The following MCF2L2 variants were observed in gnomAD, a reference collection of about 807,000 sequenced individuals.
MCF2L2 encodes MCF.2 cell line derived transforming sequence-like 2.
In MCF2L2, 102 loss-of-function variants were observed where a neutral mutation model predicts 150.2. The observed-to-expected ratio is 0.68, with a 90% CI of 0.58 to 0.80. MCF2L2 has a LOEUF of 0.80. MCF2L2 is among the 30% of genes least tolerant of loss of function. The pLI, the probability that MCF2L2 is intolerant of heterozygous loss-of-function variation, is 0.00. For missense variants in MCF2L2, 1,256 were observed against 1,372.8 expected (o/e 0.91, Z 1.34); for synonymous variants, 465 against 491.3 (o/e 0.95, Z 0.71).
At chr3:183,302,034 C>A (rs1298759833) in intron 10 of MCF2L2, among the ~76,000 whole-genome samples, 1 of 152,122 alleles carries the variant, frequency 6.6e-6, no homozygotes, top group African/African-American at 2.4e-5. Flanking sequence ...ACAGAAGCTG[C>A]TGACATGACC....
chr3:183,361,110 G>GAAAAGAAAAT (rs1712166986), intron 3 of MCF2L2, among the ~76,000 whole-genome samples: 1 of 143,480 alleles, frequency 7.0e-6, no homozygotes, highest in African/African-American at 2.7e-5. Context: ...GACAAGAAAA[G>GAAAAGAAAAT]AAAAAAGAAA....
At chr3:183,343,151 A>G (rs571851540) in intron 3 of MCF2L2, among the ~76,000 whole-genome samples, 1 of 152,338 alleles carries the variant, frequency 6.6e-6, no homozygotes, top group East Asian at 1.9e-4. Flanking sequence ...TACCAAAAAC[A>G]AACAAAACAC....
rs1366968152 is a variant in MCF2L2, at chr3:183,321,703, T to C, written c.603+1532A>G. Among the ~76,000 whole-genome samples the C allele has an allele frequency of 2.6e-5, 4 of 152,340 alleles. No homozygotes were observed. In the South Asian group the frequency reaches 8.3e-4, roughly 32 times the overall value. Reference sequence around the variant, plus strand: ...TGTGTGTGTATAAAAAATATATACATGTAAAAGGCATGTAAAGAATATCTC... The same window carrying C: ...TGTGTGTGTATAAAAAATATATACACGTAAAAGGCATGTAAAGAATATCTC... On this transcript the variant is annotated intron_variant, in intron 6 of 29. Coordinates refer to ENST00000328913, the MANE Select transcript of MCF2L2 (RefSeq NM_015078.4).
At chr3:183,417,919 T>C (rs758372817) in intron 1 of MCF2L2, among the ~76,000 whole-genome samples, 7 of 152,084 alleles carry the variant, frequency 4.6e-5, no homozygotes, top group Non-Finnish European at 7.4e-5. Flanking sequence ...TCAAATCTTG[T>C]GGCGGGGCCT....
At chr3:183,352,679 A>T (rs529908283) in intron 3 of MCF2L2, among the ~76,000 whole-genome samples, 2 of 152,288 alleles carry the variant, frequency 1.3e-5, no homozygotes, top group African/African-American at 4.8e-5. Flanking sequence ...GCTCTTGAGT[A>T]AAAAAAGAGA....
chr3:183,189,480 T>A (rs1721804130), intron 27 of MCF2L2, among the ~76,000 whole-genome samples: 1 of 152,120 alleles, frequency 6.6e-6, no homozygotes, highest in Non-Finnish European at 1.5e-5. Context: ...TTCCGCATAG[T>A]CTTAGGGGAC....
intron 15 of MCF2L2, among the ~76,000 whole-genome samples, chr3:183,232,030 A>G (rs1205742378): frequency 6.6e-6 from 1 of 152,194 alleles, no homozygotes; most frequent in African/African-American, 2.4e-5. Flanking sequence ...TTCATTTGAT[A>G]GGTAATCCAG....
At chr3:183,238,719 C>T (rs1033516862) in intron 15 of MCF2L2, among the ~76,000 whole-genome samples, 6 of 150,654 alleles carry the variant, frequency 4.0e-5, no homozygotes, top group East Asian at 4.0e-4. Context: ...GACTCTCGGC[C>T]GGGCGCGGTG....
At chr3:183,390,357 T>C (rs1194850731) in intron 1 of MCF2L2, among the ~76,000 whole-genome samples, 1 of 152,214 alleles carries the variant, frequency 6.6e-6, no homozygotes, top group Non-Finnish European at 1.5e-5. Context: ...TTTTTCATTT[T>C]TCTATTTAAA....
chr3:183,376,588 T>A (rs1713200484), intron 3 of MCF2L2: 1 of 152,238 alleles, frequency 6.6e-6, no homozygotes, highest in African/African-American at 2.4e-5. Context: ...GTCCCCCTTC[T>A]CACTGTAGGA....
chr3:183,194,628 C>G (rs558083541), intron 26 of MCF2L2, among the ~76,000 whole-genome samples: 2 of 152,280 alleles, frequency 1.3e-5, no homozygotes, highest in South Asian at 4.1e-4. Flanking sequence ...AGGTTTCGAA[C>G]TGGCAGATCT....
At chr3:183,284,297 G>A (rs1727669396) in intron 14 of MCF2L2, among the ~76,000 whole-genome samples, 1 of 152,144 alleles carries the variant, frequency 6.6e-6, no homozygotes, top group African/African-American at 2.4e-5. Flanking sequence ...CCAACTTAAT[G>A]AGTTCTCCTT....
At chr3:183,273,097 A>G in intron 15 of MCF2L2, 1 of 1,324,334 alleles carries the variant, frequency 7.6e-7, no homozygotes, top group Non-Finnish European at 1.0e-6. Flanking sequence ...CTTTTAAAAA[A>G]GAAGGAAAAA....
rs1328187117 is a variant in MCF2L2, at chr3:183,427,824, G to A, written c.76+78C>T. 1.7e-5 allele frequency: 22 copies of A among 1,274,170 alleles called. No individual in the cohort carries two copies. The East Asian group carries it at 4.9e-4, about 28-fold the overall frequency. 78.9% of individuals were successfully genotyped at this position (1,274,170 alleles called of 1,614,324 possible). A position where few individuals can be genotyped will look rare whatever the true frequency, so the allele number is the denominator to read the frequency against. ...GCGCTGCCCCGGGGCAGCGGGTGAG[G>A]CCAGGAGCCAGATGAAGCCCAGAGA... On this transcript the variant is annotated intron_variant, in intron 1 of 29. Transcript: ENST00000328913.
chr3:183,280,163 C>T (rs989023717), intron 14 of MCF2L2, among the ~76,000 whole-genome samples: 5 of 151,866 alleles, frequency 3.3e-5, no homozygotes, highest in African/African-American at 9.7e-5. Context: ...TTCAAAGTGA[C>T]GCTTACCAAC....
chr3:183,304,875 G>A (rs16857281), intron 10 of MCF2L2, among the ~76,000 whole-genome samples: 8,168 of 152,124 alleles, frequency 0.054, 473 homozygotes, highest in African/African-American at 0.13. Context: ...AATAGATGTC[G>A]AATGAATGAC....
chr3:183,179,476 G>A lies in MCF2L2; in HGVS notation c.3249C>T (p.Arg1083=). Residue 1083 remains arginine (R), a synonymous_variant, in exon 30 of 30, where the codon CGC becomes CGT. Coordinates refer to ENST00000328913, the MANE Select transcript of MCF2L2 (RefSeq NM_015078.4). This position sits in a 1 kb window ranked among gnomAD's most constrained non-coding sequence, Gnocchi z 4.2. ...ETATRSTEEE[R]AGASTGRLAP... ...CCAGCCGGCCCGTGGACGCCCCAGC[G>A]CGCTCCTCCTCGGTGCTGCGGGTCG... The A allele has an allele frequency of 6.2e-7, 1 of 1,605,024 alleles. No individual in the cohort carries two copies. The highest frequency in any genetic ancestry group is 8.5e-7 in the Non-Finnish European group (1 of 1,175,354).
chr3:183,270,890 A>G lies in MCF2L2; in HGVS notation c.1862+5982T>C. 6.2e-7 allele frequency: 1 copy of G among 1,606,932 alleles called. No homozygotes were observed. The highest frequency in any genetic ancestry group is 2.2e-5 in the East Asian group (1 of 44,864). On this transcript the variant is annotated intron_variant, in intron 15 of 29. Coordinates refer to ENST00000328913, the MANE Select transcript of MCF2L2 (RefSeq NM_015078.4). This position sits in a 1 kb window ranked among gnomAD's most constrained non-coding sequence, Gnocchi z 4.5. ...TAATGAAGATAATTCTCCTTTGTAA[A>G]ATTAGCTATGTGGACACATACCCTT...
intron 15 of MCF2L2, among the ~76,000 whole-genome samples, chr3:183,255,938 G>C (rs1055496786): frequency 6.6e-6 from 1 of 152,128 alleles, no homozygotes; most frequent in Non-Finnish European, 1.5e-5. Flanking sequence ...TGCACTTGGT[G>C]ACTTTCACAT....
Sources: allele counts gnomAD v4.1 joint callset (sites outside exome capture counted in the v4.1 genomes callset), GRCh38; gene constraint gnomAD v4.1.1; non-coding constraint Gnocchi (gnomAD v3.1); transcripts MANE v1.5; gene names NCBI Gene and HGNC (gene_info 2026-07-23, HGNC 2026-07-21).